Variants in SFMBT2 observed in about 807,000 individuals in gnomAD.
SFMBT2 encodes scm-like with four MBT domains protein 2.
SFMBT2 carries 38 observed loss-of-function variants against 110.1 expected under a neutral mutation model. The ratio of observed to expected loss-of-function variants is 0.35; its 90% confidence interval spans 0.27 to 0.45. The LOEUF (loss-of-function observed/expected upper bound fraction) is 0.45. Ranked by LOEUF, SFMBT2 falls within the 20% of genes least tolerant of loss-of-function variation. The pLI is 1.00. For missense variants in SFMBT2, 1,011 were observed against 1,094.9 expected, an observed-to-expected ratio of 0.92 and a Z score of 1.08; for synonymous variants, 425 against 425.4, an observed-to-expected ratio of 1.00 and a Z score of 0.01.
chr10:7,356,139 C>G (rs1470389015), intron 4 of SFMBT2, among the ~76,000 whole-genome samples: 1 of 152,160 alleles, frequency 6.6e-6, no homozygotes, highest in Non-Finnish European at 1.5e-5. Flanking sequence ...GTCCTGAAAA[C>G]AGGATCCGAG....
At chr10:7,308,343 G>A (rs1386353302) in intron 4 of SFMBT2, among the ~76,000 whole-genome samples, 1 of 152,030 alleles carries the variant, frequency 6.6e-6, no homozygotes, top group African/African-American at 2.4e-5. Context: ...GAGCGATGGA[G>A]AGAGAGACCC....
intron 16 of SFMBT2, among the ~76,000 whole-genome samples, chr10:7,179,023 A>C (rs995370918): frequency 6.6e-6 from 1 of 152,198 alleles, no homozygotes; most frequent in African/African-American, 2.4e-5. Context: ...TCCACTAATA[A>C]ATCTTTTTTT....
chr10:7,363,372 G>A (rs1163342568), intron 4 of SFMBT2, among the ~76,000 whole-genome samples: 3 of 150,430 alleles, frequency 2.0e-5, no homozygotes, highest in Non-Finnish European at 4.4e-5. Context: ...TTTTTTAGAT[G>A]GAGTCTCGCC....
At position 7,301,285 on chromosome 10, in the gene SFMBT2, AC is replaced by A. The variant is rs1403035305; in HGVS notation, c.437-15332del. On this transcript the variant is annotated intron_variant, in intron 4 of 20. Coordinates refer to ENST00000397167, the MANE Select transcript of SFMBT2 (RefSeq NM_001387889.1). The surrounding 1 kb of genome is among the most constrained non-coding windows in gnomAD (Gnocchi z 4.2). ...TGCAAATCAGCGTGAGACACTAGTA[AC>A]TAGCAAGACACTATGGACTAGTTGC... Among the ~76,000 whole-genome samples, 1 of 152,218 alleles carries A rather than the reference AC, an allele frequency of 6.6e-6. No individual in the cohort carries two copies. The highest frequency in any genetic ancestry group is 1.5e-5 in the Non-Finnish European group (1 of 68,042).
At chr10:7,411,091 T>TC (rs1429013437), upstream of SFMBT2, among the ~76,000 whole-genome samples, 5 of 145,280 alleles carry the variant, frequency 3.4e-5, no homozygotes, top group South Asian at 1.1e-3. Flanking sequence ...TTTTTTTTTT[T>TC]TTAAGATTTT....
chr10:7,394,172 T>C (rs1440880218), intron 1 of SFMBT2, among the ~76,000 whole-genome samples: 3 of 151,646 alleles, frequency 2.0e-5, no homozygotes, highest in East Asian at 1.9e-4. Context: ...AGAGACGGGG[T>C]TTCACCATGT....
chr10:7,363,114 CAT>C (rs1223423392), intron 4 of SFMBT2, among the ~76,000 whole-genome samples: 1 of 152,154 alleles, frequency 6.6e-6, no homozygotes, highest in Non-Finnish European at 1.5e-5. Flanking sequence ...TAATTCCCCA[CAT>C]GTTGTGGGAG....
chr10:7,307,841 T>C (rs921120146), intron 4 of SFMBT2, among the ~76,000 whole-genome samples: 39 of 152,282 alleles, frequency 2.6e-4, no homozygotes, highest in African/African-American at 9.4e-4. Context: ...ATTAAGAATT[T>C]CCATCCACTA....
intron 4 of SFMBT2, chr10:7,287,407 A>T: frequency 4.1e-6 from 1 of 244,178 alleles, no homozygotes; most frequent in African/African-American, 2.3e-5. Flanking sequence ...GAAGTATCAG[A>T]CTGTGGAGGG....
chr10:7,248,713 G>T, intron 7 of SFMBT2, 64 bp from the exon 8 acceptor site: 1 of 1,447,544 alleles, frequency 6.9e-7, no homozygotes, highest in South Asian at 1.2e-5. Context: ...GCCACTGTCC[G>T]GATGCGCTCC....
chr10:7,274,053 G>T (rs1258715786), intron 7 of SFMBT2, among the ~76,000 whole-genome samples: 1 of 152,184 alleles, frequency 6.6e-6, no homozygotes, highest in African/African-American at 2.4e-5. Context: ...TGATAGACTG[G>T]ATTAAGAAAA....
intron 9 of SFMBT2, among the ~76,000 whole-genome samples, chr10:7,240,547 T>C (rs1404739669): frequency 6.6e-6 from 1 of 152,166 alleles, no homozygotes; most frequent in Non-Finnish European, 1.5e-5. Flanking sequence ...ACTGAGTCAG[T>C]GGGAAAATAA....
At position 7,172,605 on chromosome 10, in the gene SFMBT2, G is replaced by A. The variant is rs1291493124; in HGVS notation, c.2041C>T (p.Pro681Ser). 6 of 1,614,090 alleles carry A rather than the reference G, an allele frequency of 3.7e-6. No homozygotes were observed. In the African/African-American group the frequency reaches 4.0e-5, roughly 11 times the overall value. ...GCGGGTTTGGGGTGTCCGCTGTCGG[G>A]GTTGCTTTCCCCGATGGGGGGCTTG... ...ISKPPIGESN[P>S]DSGHPKPARR... Residue 681 changes from proline to serine, a missense_variant, in exon 18 of 21, where the codon CCC becomes TCC. By Grantham distance (74) the Pro-to-Ser change is moderately conservative. This residue lies in a region of SFMBT2 where 979 missense variants were observed against 1,016.1 expected (regional missense o/e 0.96). Transcript: ENST00000397167. The surrounding 1 kb of genome is among the most constrained non-coding windows in gnomAD (Gnocchi z 4.6).
intron 20 of SFMBT2, among the ~76,000 whole-genome samples, chr10:7,166,840 T>C (rs1307517921): frequency 6.6e-6 from 1 of 152,176 alleles, no homozygotes; most frequent in Non-Finnish European, 1.5e-5. Flanking sequence ...GGTAAAATCA[T>C]GACGAGCCCA....
chr10:7,348,079 G>A (rs117124466), intron 4 of SFMBT2: 8 of 403,524 alleles, frequency 2.0e-5, no homozygotes, highest in Non-Finnish European at 3.5e-5. Context: ...CAGTACACCC[G>A]GCATATAAAT....
At chr10:7,318,136 T>C (rs1032283384) in intron 4 of SFMBT2, among the ~76,000 whole-genome samples, 34 of 152,246 alleles carry the variant, frequency 2.2e-4, no homozygotes, top group African/African-American at 8.2e-4. Flanking sequence ...TTCTGGCTAA[T>C]GCTGGGAAGA....
intron 1 of SFMBT2, among the ~76,000 whole-genome samples, chr10:7,405,304 T>C (rs1423192448): frequency 6.6e-6 from 1 of 152,212 alleles, no homozygotes; most frequent in African/African-American, 2.4e-5. Flanking sequence ...CTGGAAATTA[T>C]TAGAACAAGA....
At chr10:7,314,244 C>A (rs1330697876) in intron 4 of SFMBT2, among the ~76,000 whole-genome samples, 1 of 152,200 alleles carries the variant, frequency 6.6e-6, no homozygotes, top group South Asian at 2.1e-4. Flanking sequence ...GATGACACAG[C>A]GCTAATCAAA....
At chr10:7,286,691 G>A (rs1467238628) in intron 4 of SFMBT2, among the ~76,000 whole-genome samples, 1 of 152,176 alleles carries the variant, frequency 6.6e-6, no homozygotes, top group East Asian at 1.9e-4. Flanking sequence ...TAGGTTATGT[G>A]TGAACTATAC....
Sources: allele counts gnomAD v4.1 joint callset (sites outside exome capture counted in the v4.1 genomes callset), GRCh38; gene constraint gnomAD v4.1.1; regional missense constraint gnomAD v4.1.1; non-coding constraint Gnocchi (gnomAD v3.1); transcripts MANE v1.5; gene names NCBI Gene and HGNC (gene_info 2026-07-23, HGNC 2026-07-21).